Variants in COLGALT1 observed in about 807,000 individuals in gnomAD.
COLGALT1 encodes the protein collagen beta(1-O)galactosyltransferase 1, also known as procollagen galactosyltransferase 1.
In COLGALT1, 43 loss-of-function variants were observed where a neutral mutation model predicts 60.8. That is an observed-to-expected ratio of 0.71 (90% confidence interval 0.55 to 0.91). The LOEUF (loss-of-function observed/expected upper bound fraction) is 0.91, where lower values mean the gene tolerates loss of function less well. COLGALT1 is among the 40% of genes least tolerant of loss of function. The pLI is 0.00. For missense variants in COLGALT1, 845 were observed against 880.0 expected (o/e 0.96, Z 0.50); for synonymous variants, 369 against 374.2 (o/e 0.99, Z 0.16).
Position 17,555,694 on chromosome 19 carries a change from T to TA in COLGALT1, c.-17dup. 8.5e-7 allele frequency: 1 copy of TA among 1,178,240 alleles called. No individual in the cohort carries two copies. The highest frequency in any genetic ancestry group is 1.0e-6 in the Non-Finnish European group (1 of 954,556). The allele number at this position is 1,178,240 out of a possible 1,614,324, so 73.0% of individuals were successfully genotyped here. Reference sequence around the variant, plus strand: ...AGAGTCCTCCCGCAGAAAAACGACTTAAAGGAGACGCGTGGCGCGATGGCG... The same window carrying TA: ...AGAGTCCTCCCGCAGAAAAACGACTTAAAAGGAGACGCGTGGCGCGATGGCG... On this transcript the variant is annotated 5_prime_UTR_variant, in exon 1 of 12. Coordinates refer to ENST00000252599, the MANE Select transcript of COLGALT1 (RefSeq NM_024656.4).
chr19:17,562,063 G>T (rs142343217), intron 3 of COLGALT1, among the ~76,000 whole-genome samples: 5,612 of 152,214 alleles, frequency 0.037, 311 homozygotes, highest in African/African-American at 0.12. Flanking sequence ...TAGAGACGGG[G>T]TTTCGCCATG....
chr19:17,581,363 G>A lies in COLGALT1; in HGVS notation c.1788G>A (p.Glu596=). The change falls in exon 12 of 12, where the codon GAG becomes GAA. Residue 596 remains glutamate (E), a synonymous_variant. Transcript: ENST00000252599. ...GCGCCAAGTCCCAGAAGATGCGGGA[G>A]CAGCAGGCACTGAGCCGTGAGGCCA... The part of the protein sequence containing the change: ...WDRAKSQKMR[E]QQALSREAKN... 3.1e-6 allele frequency: 5 copies of A among 1,613,304 alleles called. No individual in the cohort carries two copies. Among genetic ancestry groups the A allele is most frequent in the Non-Finnish European group, 2.5e-6 (3 of 1,179,976 alleles).
chr19:17,581,384 G>A lies in COLGALT1; in HGVS notation c.1809G>A (p.Glu603=). Residue 603 remains glutamate, a synonymous_variant, in exon 12 of 12, where the codon GAG becomes GAA. Coordinates refer to ENST00000252599, the MANE Select transcript of COLGALT1 (RefSeq NM_024656.4). ...KMREQQALSR[E]AKNSDVLQSP... is the part of the protein sequence containing the mutation. ...GGGAGCAGCAGGCACTGAGCCGTGA[G>A]GCCAAGAACTCGGACGTGCTCCAGT... The A allele has an allele frequency of 1.2e-6, 2 of 1,612,910 alleles. No individual in the cohort carries two copies. The highest frequency in any genetic ancestry group is 1.7e-6 in the Non-Finnish European group (2 of 1,179,968).
rs1341785255 is a variant in COLGALT1, at chr19:17,573,221, C to T, written c.949+619C>T. Among the ~76,000 whole-genome samples the T allele has an allele frequency of 2.6e-5, 4 of 151,736 alleles. No homozygotes were observed. In the South Asian group the frequency reaches 8.3e-4, roughly 32 times the overall value. On this transcript the variant is annotated intron_variant, in intron 6 of 11. Coordinates refer to ENST00000252599, the MANE Select transcript of COLGALT1 (RefSeq NM_024656.4). ...TCAGCCTGGGCAACATAGTGAGACC[C>T]CATCTCTATATTAAAAAAAATTTTG...
intron 5 of COLGALT1, among the ~76,000 whole-genome samples, chr19:17,570,485 A>G (rs1188140957): frequency 2.0e-5 from 3 of 151,724 alleles, no homozygotes; most frequent in Non-Finnish European, 4.4e-5. Context: ...GCCTTAAGTG[A>G]TCCTTCCCAC....
At position 17,569,252 on chromosome 19, in the gene COLGALT1, T is replaced by G. The variant is rs570895053; in HGVS notation, c.829+539T>G. ...ATTGATTGCATGTTACTATTATTTT[T>G]TAATTTGTGTAAATTTATGGAGCAC... is the stretch of plus-strand genomic sequence containing the variant. On this transcript the variant is annotated intron_variant, in intron 5 of 11. Transcript: ENST00000252599. 3.9e-5 allele frequency among the ~76,000 whole-genome samples: 6 copies of G among 152,262 alleles called. No homozygotes were observed. In the South Asian group the frequency reaches 1.2e-3, roughly 32 times the overall value.
intron 5 of COLGALT1, among the ~76,000 whole-genome samples, chr19:17,570,809 C>A (rs1599787464): frequency 6.6e-6 from 1 of 152,088 alleles, no homozygotes; most frequent in Admixed American, 6.6e-5. Flanking sequence ...AGGTGATTCA[C>A]CCGCCTCAGC....
intron 6 of COLGALT1, 32 bp downstream of exon 6, chr19:17,572,634 G>T (rs1196774844): frequency 6.2e-7 from 1 of 1,611,692 alleles, no homozygotes; most frequent in Admixed American, 1.7e-5. Flanking sequence ...CCTGGGAGGT[G>T]CCAGGTTGCC....
chr19:17,574,061 G>A lies in COLGALT1; in HGVS notation c.949+1459G>A, dbSNP rs572194806. Among the ~76,000 whole-genome samples, 150 of 152,062 alleles carry A rather than the reference G, an allele frequency of 9.9e-4. 1 individual carries two copies. The highest frequency in any genetic ancestry group is 3.3e-3 in the African/African-American group (135 of 41,342). On this transcript the variant is annotated intron_variant, in intron 6 of 11. Coordinates refer to ENST00000252599, the MANE Select transcript of COLGALT1 (RefSeq NM_024656.4). ...CGTCCCTCTAAAACTGGAGGAGCAC[G>A]CAGGGCTGAGCTGTAATTGAGGTTG...
At chr19:17,573,054 T>C (rs2076322088) in intron 6 of COLGALT1, among the ~76,000 whole-genome samples, 1 of 151,956 alleles carries the variant, frequency 6.6e-6, no homozygotes. Context: ...AGTCAGGAGC[T>C]ATAGAGGACA....
intron 6 of COLGALT1, among the ~76,000 whole-genome samples, chr19:17,575,601 G>A (rs927824589): frequency 1.6e-4 from 25 of 151,850 alleles, no homozygotes; most frequent in African/African-American, 5.6e-4. Context: ...GGCTGGTCTC[G>A]AACTCCTGAC....
rs531783031 is a variant in COLGALT1, at chr19:17,577,200, C to T, written c.955C>T (p.His319Tyr). The T allele has an allele frequency of 6.2e-7, 1 of 1,613,164 alleles. No individual in the cohort carries two copies. The highest frequency in any genetic ancestry group is 2.2e-5 in the East Asian group (1 of 44,846). Reference protein sequence around the residue: ...MHVQLEVMVKHPPAEPSRFIS... With the variant: ...MHVQLEVMVKYPPAEPSRFIS... Reference sequence around the variant, plus strand: ...TCAACGTCTGTGCCCCACAGTGAAGCACCCGCCCGCAGAGCCCTCCCGCTT... The same window carrying T: ...TCAACGTCTGTGCCCCACAGTGAAGTACCCGCCCGCAGAGCCCTCCCGCTT... Residue 319 changes from histidine (H) to tyrosine (Y), a missense_variant, in exon 7 of 12, where the codon CAC (histidine) becomes TAC (tyrosine). Physicochemically the swap from His to Tyr is moderately conservative, Grantham distance 83. Coordinates refer to ENST00000252599, the MANE Select transcript of COLGALT1 (RefSeq NM_024656.4).
intron 1 of COLGALT1, chr19:17,556,752 A>AAAAT (rs2076214274): frequency 6.5e-6 from 1 of 153,670 alleles, no homozygotes; most frequent in Admixed American, 6.6e-5. Context: ...CTCTAGAAAA[A>AAAAT]AAATACAAAA....
rs547710536 is a variant in COLGALT1, at chr19:17,572,398, C to G, written c.830-85C>G. The stretch of plus-strand genomic sequence containing the variant: ...ACCTCAAGCGATCCTCCTGCGTTGG[C>G]CTCCTGAAGCCGTGGGATGGAAGGC... On this transcript the variant is annotated intron_variant, in intron 5 of 11. Transcript: ENST00000252599. 181 of 1,596,446 alleles carry G rather than the reference C, an allele frequency of 1.1e-4. 2 individuals carry two copies. In the South Asian group the frequency reaches 1.9e-3, roughly 17 times the overall value.
intron 10 of COLGALT1, chr19:17,579,815 G>A (rs988247722): frequency 7.9e-6 from 5 of 635,902 alleles, no homozygotes; most frequent in African/African-American, 5.5e-5. Context: ...TGAATCCTAC[G>A]GGCGTGGCCA....
At chr19:17,580,331 C>A in intron 10 of COLGALT1, 1 of 346,430 alleles carries the variant, frequency 2.9e-6, no homozygotes, top group Non-Finnish European at 5.5e-6. Context: ...AACACTGCCC[C>A]ATGTGAATAG....
Position 17,555,953 on chromosome 19 carries a change from G to A in COLGALT1, c.240G>A (p.Pro80=), listed in dbSNP as rs2076208218. 7.2e-7 allele frequency: 1 copy of A among 1,381,366 alleles called. No homozygotes were observed. The highest frequency in any genetic ancestry group is 3.1e-5 in the East Asian group (1 of 32,374). 85.6% of individuals were successfully genotyped at this position (1,381,366 alleles called of 1,614,324 possible). The change falls in exon 1 of 12, where the codon CCG becomes CCA. Residue 80 remains proline (P), a synonymous_variant. Coordinates refer to ENST00000252599, the MANE Select transcript of COLGALT1 (RefSeq NM_024656.4). ...GCGCACTCGAGCGGCTGCGGCACCC[G>A]CGGGAGCGCACGGCGCTATGGTGAG... The part of the protein sequence containing the change: ...TLGALERLRH[P]RERTALWVAT...
intron 6 of COLGALT1, among the ~76,000 whole-genome samples, chr19:17,574,267 C>G (rs1376864202): frequency 6.6e-6 from 1 of 151,758 alleles, no homozygotes; most frequent in Admixed American, 6.6e-5. Flanking sequence ...CTGAACGAGT[C>G]TATCTGCGGC....
In COLGALT1 at chr19:17,555,882, G is replaced by C. The variant is rs1486708765; in HGVS notation, c.169G>C (p.Ala57Pro). ...CCTGCAGGCGCCGCGCGTGCTCATCGCGCTGTTGGCGCGAAACGCGGCCCA... is the reference window on the plus strand; with the variant it reads ...CCTGCAGGCGCCGCGCGTGCTCATCCCGCTGTTGGCGCGAAACGCGGCCCA... ...SPLQAPRVLIALLARNAAHAL... is the reference protein window; with the variant it reads ...SPLQAPRVLIPLLARNAAHAL... Residue 57 changes from alanine to proline, a missense_variant, in exon 1 of 12, where the codon GCG (alanine) becomes CCG (proline). Physicochemically the swap from Ala to Pro is conservative, Grantham distance 27 (BLOSUM62 -1). Transcript: ENST00000252599. 27 of 1,387,586 alleles carry C rather than the reference G, an allele frequency of 1.9e-5. No homozygotes were observed. Among genetic ancestry groups the C allele is most frequent in the Non-Finnish European group, 2.4e-5 (26 of 1,068,364 alleles). 86.0% of individuals were successfully genotyped at this position (1,387,586 alleles called of 1,614,324 possible). A position where few individuals can be genotyped will look rare whatever the true frequency, so the allele number is the denominator to read the frequency against.
Sources: gnomAD v4.1 joint callset for allele counts (sites outside exome capture counted in the v4.1 genomes callset) on GRCh38, gnomAD v4.1.1 for gene constraint, MANE v1.5 for transcripts, NCBI Gene and HGNC (gene_info 2026-07-23, HGNC 2026-07-21) for gene names.